The following ANKRD18A variants were observed in gnomAD, a reference collection of about 807,000 sequenced individuals.
ANKRD18A encodes ankyrin repeat domain-containing protein 18A.
ANKRD18A carries 72 observed loss-of-function variants against 110.6 expected under a neutral mutation model. That is an observed-to-expected ratio of 0.65 (90% CI 0.54 to 0.79). The LOEUF (loss-of-function observed/expected upper bound fraction) is 0.79, where lower values mean the gene tolerates loss of function less well. ANKRD18A is among the 30% of genes least tolerant of loss of function. ANKRD18A has a pLI of 0.00. For synonymous variants in ANKRD18A, 305 were observed against 410.3 expected, an observed-to-expected ratio of 0.74 and a Z score of 3.10; for missense variants, 934 against 1,163.3, an observed-to-expected ratio of 0.80 and a Z score of 2.87.
Position 38,586,175 on chromosome 9 carries a change from A to G in ANKRD18A, c.2247+8T>C. 6.3e-7 allele frequency: 1 copy of G among 1,595,538 alleles called. No individual in the cohort carries two copies. ...CCTTAAGATAAAATAATAATTTTTTAAAATTACCTTCTGTTTTAGCTTCTT... is the reference window on the plus strand; with the variant it reads ...CCTTAAGATAAAATAATAATTTTTTGAAATTACCTTCTGTTTTAGCTTCTT... On this transcript the variant is annotated splice_region_variant and intron_variant, in intron 12 of 15. Transcript: ENST00000399703.
intron 3 of ANKRD18A, among the ~76,000 whole-genome samples, chr9:38,614,351 C>T (rs1229771525): frequency 2.0e-5 from 3 of 151,592 alleles, no homozygotes; most frequent in Admixed American, 6.6e-5. Flanking sequence ...GTGATCTGCC[C>T]GCCTCAGGCT....
intron 3 of ANKRD18A, among the ~76,000 whole-genome samples, chr9:38,614,112 G>A (rs574913926): frequency 1.3e-4 from 20 of 151,900 alleles, no homozygotes; most frequent in African/African-American, 3.4e-4. Flanking sequence ...AGCACCTATC[G>A]AATGCCAACT....
intron 10 of ANKRD18A, among the ~76,000 whole-genome samples, chr9:38,593,545 T>C (rs1824745899): frequency 6.6e-6 from 1 of 152,204 alleles, no homozygotes; most frequent in African/African-American, 2.4e-5. Flanking sequence ...TTCCCAAGTG[T>C]AGATATTATA....
At chr9:38,570,623 ATC>A (rs1823603755), downstream of ANKRD18A, among the ~76,000 whole-genome samples, 1 of 152,216 alleles carries the variant, frequency 6.6e-6, no homozygotes, top group East Asian at 1.9e-4. Flanking sequence ...TGGCTAGGTC[ATC>A]TCTGACCATG....
chr9:38,594,237 C>T (rs1824775974), intron 9 of ANKRD18A, among the ~76,000 whole-genome samples: 1 of 152,146 alleles, frequency 6.6e-6, no homozygotes, highest in Non-Finnish European at 1.5e-5. Flanking sequence ...GAATAAAATT[C>T]CAACGGCCTT....
intron 15 of ANKRD18A, 28 bp from the exon 16 acceptor site, chr9:38,572,087 C>A (rs1239135903): frequency 2.0e-6 from 3 of 1,518,392 alleles, no homozygotes; most frequent in Admixed American, 2.2e-5. Flanking sequence ...GGATTATGTT[C>A]TTTACCTAAA....
rs542969851 is a variant in ANKRD18A, at chr9:38,591,258, C to T, written c.2004+2502G>A. ...GTGCTAGAATTACTGGCATGAGCCA[C>T]CTCACCAACCAGGTGTTCCATGGAA... is the stretch of plus-strand genomic sequence containing the variant. On this transcript the variant is annotated intron_variant, in intron 10 of 15. Coordinates refer to ENST00000399703, the MANE Select transcript of ANKRD18A (RefSeq NM_147195.4). Among the ~76,000 whole-genome samples, 1,447 of 152,118 alleles carry T rather than the reference C, an allele frequency of 9.5e-3. 14 individuals are homozygous for T. The highest frequency in any genetic ancestry group is 0.024 in the Middle Eastern group (7 of 294).
chr9:38,569,702 C>G (rs1385764347), downstream of ANKRD18A, among the ~76,000 whole-genome samples: 3 of 152,098 alleles, frequency 2.0e-5, no homozygotes, highest in African/African-American at 7.2e-5. Context: ...GCTTCTCTGG[C>G]CAGGCCTAGC....
intron 14 of ANKRD18A, 104 bp from the exon 15 acceptor site, chr9:38,575,802 C>T (rs1286581480): frequency 9.2e-7 from 1 of 1,091,138 alleles, no homozygotes; most frequent in African/African-American, 1.6e-5. Context: ...AACCAAAATA[C>T]CCATTAAACA....
chr9:38,609,020 T>A (rs1379801259), intron 5 of ANKRD18A, among the ~76,000 whole-genome samples: 3 of 152,150 alleles, frequency 2.0e-5, no homozygotes, highest in Admixed American at 6.5e-5. Context: ...TAACATACCA[T>A]GAAGGTACAG....
In ANKRD18A at chr9:38,595,787, A is replaced by G. The variant is rs2118781594; in HGVS notation, c.1553T>C (p.Ile518Thr). ...QLDLRQAQHR[I>T]KEMKQMHPNG... is the part of the protein sequence containing the mutation. ...TGGATGCATCTGCTTCATTTCCTTT[A>G]TTCGATGCTGTGCTTGCCTTAGGTC... Residue 518 changes from isoleucine to threonine, a missense_variant, in exon 9 of 16, where the codon ATA becomes ACA. Coordinates refer to ENST00000399703, the MANE Select transcript of ANKRD18A (RefSeq NM_147195.4). 1 of 1,551,066 alleles carries G rather than the reference A, an allele frequency of 6.4e-7. No individual in the cohort carries two copies. Among genetic ancestry groups the G allele is most frequent in the South Asian group, 1.2e-5 (1 of 83,940 alleles).
In ANKRD18A at chr9:38,588,561, C is replaced by T; in HGVS notation, c.2107G>A (p.Glu703Lys). ...ATATGAAAACCATACCCAGTTGCCT[C>T]TTCTTCTAATTCACGATTTTTCTTT... ...IRKKNRELEEEATGYKKCLEM... is the reference protein window; with the variant it reads ...IRKKNRELEEKATGYKKCLEM... Residue 703 changes from glutamate to lysine, a missense_variant, in exon 11 of 16, where the codon GAG (glutamate) becomes AAG (lysine). This residue lies in a region of ANKRD18A where 79 missense variants were observed against 122.8 expected (regional missense o/e 0.64). Transcript: ENST00000399703. The T allele has an allele frequency of 7.3e-7, 1 of 1,361,456 alleles. No homozygotes were observed. Among genetic ancestry groups the T allele is most frequent in the East Asian group, 2.9e-5 (1 of 34,882 alleles). The allele number at this position is 1,361,456 out of a possible 1,614,324, so 84.3% of individuals were successfully genotyped here. A position where few individuals can be genotyped will look rare whatever the true frequency, so the allele number is the denominator to read the frequency against.
chr9:38,599,465 G>A (rs530253673), intron 8 of ANKRD18A, among the ~76,000 whole-genome samples: 1 of 151,376 alleles, frequency 6.6e-6, no homozygotes. Context: ...TTTTTGTAAT[G>A]AATTTTTTTT....
At position 38,572,032 on chromosome 9, in the gene ANKRD18A, C is replaced by T. The variant is rs556466572; in HGVS notation, c.*13G>A. 1.3e-5 allele frequency: 21 copies of T among 1,587,340 alleles called. No individual in the cohort carries two copies. The highest frequency in any genetic ancestry group is 8.2e-5 in the African/African-American group (6 of 73,286). On this transcript the variant is annotated 3_prime_UTR_variant, in exon 16 of 16. Transcript: ENST00000399703. ...AGTGGATTCTACAAAAGAAAGTAGA[C>T]GGGAGCAAGTGCTCAACATAGCAAA...
chr9:38,593,466 T>A (rs1251839270), intron 10 of ANKRD18A, among the ~76,000 whole-genome samples: 1 of 152,322 alleles, frequency 6.6e-6, no homozygotes, highest in Non-Finnish European at 1.5e-5. Flanking sequence ...ATTAAGGAAA[T>A]TATCTAAAAA....
intron 1 of ANKRD18A, 70 bp downstream of exon 1, chr9:38,620,009 CA>C (rs1220932962): frequency 6.5e-7 from 1 of 1,527,114 alleles, no homozygotes; most frequent in Non-Finnish European, 8.8e-7. Context: ...GTCCCCGCCC[CA>C]GGGGCTGCCG....
At chr9:38,595,061 T>C (rs684419) in intron 9 of ANKRD18A, among the ~76,000 whole-genome samples, 7,312 of 152,144 alleles carry the variant, frequency 0.048, 309 homozygotes, top group African/African-American at 0.12. Flanking sequence ...CAAGCTGATA[T>C]AGTAAACACT....
Position 38,586,257 on chromosome 9 carries a change from C to T in ANKRD18A, c.2173G>A (p.Asp725Asn). 8.1e-6 allele frequency: 13 copies of T among 1,608,114 alleles called. No individual in the cohort carries two copies. The highest frequency in any genetic ancestry group is 1.0e-5 in the Non-Finnish European group (12 of 1,176,750). ...INMLNAFANEDFSCHGDLNTD... is the reference protein window; with the variant it reads ...INMLNAFANENFSCHGDLNTD... The stretch of plus-strand genomic sequence containing the variant: ...TTTAAGTCTCCATGGCAACTGAAGT[C>T]CTCATTTGCAAATGCATTTAACATA... The change falls in exon 12 of 16, where the codon GAC (aspartate) becomes AAC (asparagine). Residue 725 changes from aspartate (D) to asparagine (N), a missense_variant. By Grantham distance (23) the Asp-to-Asn change is conservative (BLOSUM62 1). This residue lies in a region of ANKRD18A where 79 missense variants were observed against 122.8 expected (regional missense o/e 0.64). Transcript: ENST00000399703.
chr9:38,597,658 A>C (rs915233950), intron 8 of ANKRD18A, among the ~76,000 whole-genome samples: 1 of 152,206 alleles, frequency 6.6e-6, no homozygotes, highest in African/African-American at 2.4e-5. Flanking sequence ...TTTGTCAAAT[A>C]AATTAAAAGT....
Sources: allele counts gnomAD v4.1 joint callset (sites outside exome capture counted in the v4.1 genomes callset), GRCh38; gene constraint gnomAD v4.1.1; regional missense constraint gnomAD v4.1.1; transcripts MANE v1.5; gene names NCBI Gene and HGNC (gene_info 2026-07-23, HGNC 2026-07-21).